RASAL2: variants seen among roughly 807,000 people sequenced by gnomAD.
The protein encoded by RASAL2 is ras GTPase-activating protein nGAP.
In RASAL2, 58 loss-of-function variants were observed where a neutral mutation model predicts 128.9. That is an observed-to-expected ratio of 0.45 (90% CI 0.36 to 0.56). RASAL2 has a LOEUF of 0.56. RASAL2 is among the 20% of genes least tolerant of loss of function. The pLI, the probability that RASAL2 is intolerant of heterozygous loss-of-function variation, is 0.00. For missense variants in RASAL2, 1,360 were observed against 1,601.6 expected (o/e 0.85, Z 2.57); for synonymous variants, 561 against 580.8 (o/e 0.97, Z 0.49).
rs74128886 is a variant in RASAL2, at chr1:178,204,827, G to A, written c.203-78737G>A. Reference sequence around the variant, plus strand: ...CACTTAATTTCAATTGTGATTTAGCGTGTGCTTTCTTCCAGAAAATGAAAT... The same window carrying A: ...CACTTAATTTCAATTGTGATTTAGCATGTGCTTTCTTCCAGAAAATGAAAT... On this transcript the variant is annotated intron_variant, in intron 1 of 17. Coordinates refer to ENST00000367649, the MANE Select transcript of RASAL2 (RefSeq NM_170692.4). Among the ~76,000 whole-genome samples, 1,023 of 152,232 alleles carry A rather than the reference G, an allele frequency of 6.7e-3. 12 individuals carry two copies. Among genetic ancestry groups the A allele is most frequent in the African/African-American group, 0.023 (948 of 41,520 alleles).
At chr1:178,404,932 T>G (rs748055613) in intron 4 of RASAL2, among the ~76,000 whole-genome samples, 3 of 152,062 alleles carry the variant, frequency 2.0e-5, no homozygotes, top group Non-Finnish European at 2.9e-5. Context: ...TCCTCCTGCC[T>G]CGGCCTCTCG....
chr1:178,145,155 A>G (rs545685239), intron 1 of RASAL2, among the ~76,000 whole-genome samples: 1 of 152,304 alleles, frequency 6.6e-6, no homozygotes, highest in South Asian at 2.1e-4. Context: ...ATGGATAGTG[A>G]TGTTTTCTGT....
rs556853776 is a variant in RASAL2 at position 178,383,105 on chromosome 1, A to G, written c.458-6995A>G. Reference sequence around the variant, plus strand: ...GAAGAAATATTAAATATTAAAAATAATAATAAATTTACTGAAGCAAGGAAG... The same window carrying G: ...GAAGAAATATTAAATATTAAAAATAGTAATAAATTTACTGAAGCAAGGAAG... On this transcript the variant is annotated intron_variant, in intron 3 of 17. Transcript: ENST00000367649. Among the ~76,000 whole-genome samples the G allele has an allele frequency of 5.3e-4, 80 of 152,310 alleles. 1 individual carries two copies. The highest frequency in any genetic ancestry group is 3.4e-3 in the Middle Eastern group (1 of 294).
chr1:178,468,326 C>T (rs973708901), intron 17 of RASAL2, among the ~76,000 whole-genome samples: 2 of 152,132 alleles, frequency 1.3e-5, no homozygotes, highest in Non-Finnish European at 2.9e-5. Flanking sequence ...CATATCATAT[C>T]CCTAAGCTGT....
At chr1:178,162,442 A>AAT (rs1379618594) in intron 1 of RASAL2, among the ~76,000 whole-genome samples, 2 of 119,106 alleles carry the variant, frequency 1.7e-5, no homozygotes, top group Admixed American at 2.2e-4. Context: ...TTTTATATAT[A>AAT]ATATATATAA....
At chr1:178,177,806 TA>T (rs1239223254) in intron 1 of RASAL2, among the ~76,000 whole-genome samples, 1 of 152,188 alleles carries the variant, frequency 6.6e-6, no homozygotes, top group East Asian at 1.9e-4. Flanking sequence ...AACTATAGTA[TA>T]AATAACTAAC....
intron 17 of RASAL2, among the ~76,000 whole-genome samples, chr1:178,469,592 C>T (rs1049488958): frequency 9.9e-5 from 15 of 152,188 alleles, no homozygotes; most frequent in Non-Finnish European, 2.1e-4. Context: ...ATGCTATCCT[C>T]AAACCGTAAG....
intron 1 of RASAL2, among the ~76,000 whole-genome samples, chr1:178,224,037 A>G (rs1017902750): frequency 1.7e-4 from 26 of 152,194 alleles, no homozygotes; most frequent in African/African-American, 6.3e-4. Flanking sequence ...CAAAGAAGAC[A>G]AAGTATGAAC....
chr1:178,355,724 C>G (rs1309493534), intron 3 of RASAL2, among the ~76,000 whole-genome samples: 1 of 152,062 alleles, frequency 6.6e-6, no homozygotes, highest in Non-Finnish European at 1.5e-5. Flanking sequence ...GAAATTATAC[C>G]AGAATATTTC....
intron 1 of RASAL2, among the ~76,000 whole-genome samples, chr1:178,237,741 A>G (rs1029145412): frequency 2.6e-5 from 4 of 152,204 alleles, no homozygotes; most frequent in Non-Finnish European, 4.4e-5. Flanking sequence ...CAAAAAATTT[A>G]CCACTTTAAC....
chr1:178,401,838 C>T (rs1025560711), intron 4 of RASAL2, among the ~76,000 whole-genome samples: 14 of 152,060 alleles, frequency 9.2e-5, no homozygotes, highest in African/African-American at 3.4e-4. Flanking sequence ...TTTAAAAAGG[C>T]CCTGAGCTTT....
chr1:178,466,276 T>C (rs1487259388), intron 16 of RASAL2, among the ~76,000 whole-genome samples, 154 bp downstream of exon 16: 1 of 152,224 alleles, frequency 6.6e-6, no homozygotes, highest in Non-Finnish European at 1.5e-5. Context: ...TAAAATATCC[T>C]AAATATGAGA....
chr1:178,300,005 G>A lies in RASAL2; in HGVS notation c.344G>A (p.Gly115Glu). ...LNKEKEIPVE[G>E]GQEQQTDSTK... ...TTGATTAACTAGATACCTGTGGAAGGGGGACAGGAGCAGCAGACAGATTCC... is the reference window on the plus strand; with the variant it reads ...TTGATTAACTAGATACCTGTGGAAGAGGGACAGGAGCAGCAGACAGATTCC... The change falls in exon 3 of 18, where the codon GGG (glycine) becomes GAG (glutamate). Residue 115 changes from glycine to glutamate, a missense_variant. Gly to Glu is a moderately conservative substitution (Grantham distance 98). Coordinates refer to ENST00000367649, the MANE Select transcript of RASAL2 (RefSeq NM_170692.4). The A allele has an allele frequency of 1.9e-6, 3 of 1,613,762 alleles. No homozygotes were observed. The highest frequency in any genetic ancestry group is 2.5e-6 in the Non-Finnish European group (3 of 1,179,896).
intron 1 of RASAL2, among the ~76,000 whole-genome samples, chr1:178,186,389 CTG>C (rs1662300133): frequency 6.6e-6 from 1 of 151,886 alleles, no homozygotes; most frequent in African/African-American, 2.4e-5. Flanking sequence ...GATTTCTACT[CTG>C]TTATTTTTTT....
At chr1:178,285,080 AT>A (rs551588297) in intron 2 of RASAL2, among the ~76,000 whole-genome samples, 2 of 76,576 alleles carry the variant, frequency 2.6e-5, no homozygotes, top group South Asian at 9.1e-4. Flanking sequence ...TTCTTCTTGT[AT>A]TTTAATAGGC....
At chr1:178,393,632 CT>C (rs1188855694) in intron 4 of RASAL2, among the ~76,000 whole-genome samples, 1 of 152,182 alleles carries the variant, frequency 6.6e-6, no homozygotes, top group African/African-American at 2.4e-5. Flanking sequence ...TTGAGGACCC[CT>C]GATCTATAGG....
chr1:178,402,839 AT>A (rs1442695858), intron 4 of RASAL2, among the ~76,000 whole-genome samples: 2 of 152,068 alleles, frequency 1.3e-5, no homozygotes, highest in Non-Finnish European at 2.9e-5. Context: ...CTTCAATTAA[AT>A]TCATCTAGTC....
At chr1:178,462,090 G>A (rs145815070) in intron 14 of RASAL2, among the ~76,000 whole-genome samples, 2 of 152,148 alleles carry the variant, frequency 1.3e-5, no homozygotes, top group East Asian at 3.9e-4. Context: ...AAAGTCAGTG[G>A]ATATAAATTC....
chr1:178,138,518 G>A (rs757464615), intron 1 of RASAL2, among the ~76,000 whole-genome samples: 9 of 152,118 alleles, frequency 5.9e-5, no homozygotes, highest in Non-Finnish European at 1.0e-4. Flanking sequence ...GAGATTATAT[G>A]TATAAGCCAT....
Sources: gnomAD v4.1 joint callset for allele counts (sites outside exome capture counted in the v4.1 genomes callset) on GRCh38, gnomAD v4.1.1 for gene constraint, MANE v1.5 for transcripts, NCBI Gene and HGNC (gene_info 2026-07-23, HGNC 2026-07-21) for gene names.